Variants in HTR1A observed in about 807,000 individuals in gnomAD.
HTR1A encodes the protein 5-HT1a receptor.
HTR1A carries 17 observed loss-of-function variants against 24.6 expected under a neutral mutation model. That is an observed-to-expected ratio of 0.69 (90% CI 0.47 to 1.04). The LOEUF (loss-of-function observed/expected upper bound fraction) is 1.04, where lower values mean the gene tolerates loss of function less well. Ranked by LOEUF, HTR1A falls within the 50% of genes least tolerant of loss-of-function variation. HTR1A has a pLI of 0.00. For missense variants in HTR1A, 515 were observed against 565.1 expected, an observed-to-expected ratio of 0.91 and a Z score of 0.90; for synonymous variants, 262 against 244.6, an observed-to-expected ratio of 1.07 and a Z score of -0.67.
In HTR1A at chr5:63,961,985, CCGG is replaced by C; in HGVS notation, c.-269_-267del. ...GGCCTGAAAGCAGCTCCAGGATCTC[CCGG>C]CGGCGGAGAGGTGGCTGGAACGTCT... On this transcript the variant is annotated 5_prime_UTR_variant, in exon 1 of 1. Coordinates refer to ENST00000323865, the MANE Select transcript of HTR1A (RefSeq NM_000524.4). The C allele has an allele frequency of 1.8e-6, 1 of 550,302 alleles. No homozygotes were observed. The highest frequency in any genetic ancestry group is 2.0e-5 in the South Asian group (1 of 49,138). 34.1% of individuals were successfully genotyped at this position (550,302 alleles called of 1,614,324 possible).
Position 63,960,941 on chromosome 5 carries a change from C to A in HTR1A, c.779G>T (p.Ser260Ile). ...CTCCACGCCCAGCCTCCAGTTCCTG[C>A]TCCCCGACTCTCCATTCACACTCTT... The part of the protein sequence containing the change: ...PKKSVNGESG[S>I]RNWRLGVESK... The change falls in exon 1 of 1, where the codon AGC becomes ATC. Residue 260 changes from serine to isoleucine, a missense_variant. Transcript: ENST00000323865. 1 of 1,614,158 alleles carries A rather than the reference C, an allele frequency of 6.2e-7. No homozygotes were observed. The highest frequency in any genetic ancestry group is 8.5e-7 in the Non-Finnish European group (1 of 1,180,028).
rs1746355355 is a variant in HTR1A at position 63,958,410 on chromosome 5, A to G, written c.*2041T>C. 6.6e-6 allele frequency among the ~76,000 whole-genome samples: 1 copy of G among 152,246 alleles called. No homozygotes were observed. The highest frequency in any genetic ancestry group is 6.5e-5 in the Admixed American group (1 of 15,290). ...AAGGAAAGCTTTGTTCAGTCTGACA[A>G]ACAATAAAATGGCTTCAACTGACAG... On this transcript the variant is annotated 3_prime_UTR_variant, in exon 1 of 1. Transcript: ENST00000323865.
In HTR1A at chr5:63,961,033, C is replaced by A. The variant is rs999108709; in HGVS notation, c.687G>T (p.Thr229=). The A allele has an allele frequency of 1.6e-5, 26 of 1,614,084 alleles. No homozygotes were observed. Among genetic ancestry groups the A allele is most frequent in the Non-Finnish European group, 2.1e-5 (25 of 1,180,056 alleles). ...CTCCGGTCTTCTCCACCTTTTTGAC[C>A]GTCTTGCGGATGCGGAAGCGCGCAG... The part of the protein sequence containing the change: ...FRAARFRIRK[T]VKKVEKTGAD... Residue 229 remains threonine (T), a synonymous_variant, in exon 1 of 1, where the codon ACG becomes ACT. Transcript: ENST00000323865.
At position 63,961,515 on chromosome 5, in the gene HTR1A, T is replaced by C. The variant is rs1277472972; in HGVS notation, c.205A>G (p.Asn69Asp). Residue 69 changes from asparagine (N) to aspartate (D), a missense_variant, in exon 1 of 1, where the codon AAC (asparagine) becomes GAC (aspartate). Around this residue, in one of 3 missense-constraint regions of HTR1A, gnomAD observed 80 missense variants for 130.8 expected, o/e 0.61. Coordinates refer to ENST00000323865, the MANE Select transcript of HTR1A (RefSeq NM_000524.4). ...GAGCCAATAAGATAATTGGCCACGTTCTGCAGGGAGCGCTCCAAGGCGATG... is the reference window on the plus strand; with the variant it reads ...GAGCCAATAAGATAATTGGCCACGTCCTGCAGGGAGCGCTCCAAGGCGATG... ...AAIALERSLQNVANYLIGSLA... is the reference protein window; with the variant it reads ...AAIALERSLQDVANYLIGSLA... The C allele has an allele frequency of 1.9e-6, 3 of 1,614,222 alleles. No homozygotes were observed. In the East Asian group the frequency reaches 6.7e-5, roughly 36 times the overall value.
Position 63,961,165 on chromosome 5 carries a change from G to T in HTR1A, c.555C>A (p.Asp185Glu). 2.5e-6 allele frequency: 4 copies of T among 1,614,200 alleles called. No homozygotes were observed. Among genetic ancestry groups the T allele is most frequent in the Admixed American group, 1.7e-5 (1 of 60,034 alleles). ...WRTPEDRSDP[D>E]ACTISKDHGY... ...CATGATCCTTGCTAATGGTGCATGC[G>T]TCGGGGTCCGAGCGGTCTTCCGGGG... The change falls in exon 1 of 1, where the codon GAC becomes GAA. Residue 185 changes from aspartate to glutamate, a missense_variant. Physicochemically the swap from Asp to Glu is conservative, Grantham distance 45 (BLOSUM62 2). Coordinates refer to ENST00000323865, the MANE Select transcript of HTR1A (RefSeq NM_000524.4).
chr5:63,957,936 G>C lies in HTR1A; in HGVS notation c.*2515C>G, dbSNP rs1361401956. The C allele has an allele frequency of 6.6e-5, 10 of 152,182 alleles. No homozygotes were observed. Among genetic ancestry groups the C allele is most frequent in the Non-Finnish European group, 1.2e-4 (8 of 68,034 alleles). 9.4% of individuals were successfully genotyped at this position (152,182 alleles called of 1,614,324 possible). Reference sequence around the variant, plus strand: ...CTATTGCCTTGACAATTATGCTCCAGTTGGATGTTCCTTCTCCATTCTTGT... The same window carrying C: ...CTATTGCCTTGACAATTATGCTCCACTTGGATGTTCCTTCTCCATTCTTGT... On this transcript the variant is annotated 3_prime_UTR_variant, in exon 1 of 1. Transcript: ENST00000323865.
Position 63,960,457 on chromosome 5 carries a change from G to A in HTR1A, c.1263C>T (p.Arg421=), listed in dbSNP as rs1200249120. The part of the protein sequence containing the change: ...FKKIIKCKFC[R]Q ...GCCGGCTACTCCTCCGTCATCACTG[G>A]CGGCAGAACTTACACTTAATGATCT... The change falls in exon 1 of 1, where the codon CGC becomes CGT. Residue 421 remains arginine, a synonymous_variant. Coordinates refer to ENST00000323865, the MANE Select transcript of HTR1A (RefSeq NM_000524.4). 1.9e-6 allele frequency: 3 copies of A among 1,614,076 alleles called. No homozygotes were observed. Among genetic ancestry groups the A allele is most frequent in the Admixed American group, 3.3e-5 (2 of 60,002 alleles).
rs1009584356 is a variant in HTR1A at position 63,959,433 on chromosome 5, A to G, written c.*1018T>C. 6.6e-5 allele frequency among the ~76,000 whole-genome samples: 10 copies of G among 152,270 alleles called. No individual in the cohort carries two copies. Among genetic ancestry groups the G allele is most frequent in the Non-Finnish European group, 2.9e-5 (2 of 68,050 alleles). ...AGCCGGGAGCGCCTAGCGCGCTGCG[A>G]GAGCACAGATGGCTGGGGAGGCGCG... On this transcript the variant is annotated 3_prime_UTR_variant, in exon 1 of 1. Coordinates refer to ENST00000323865, the MANE Select transcript of HTR1A (RefSeq NM_000524.4).
Position 63,961,042 on chromosome 5 carries a change from G to C in HTR1A, c.678C>G (p.Ile226Met), listed in dbSNP as rs367863011. 1.9e-6 allele frequency: 3 copies of C among 1,614,242 alleles called. No individual in the cohort carries two copies. Among genetic ancestry groups the C allele is most frequent in the Admixed American group, 3.3e-5 (2 of 60,038 alleles). ...TCTCCACCTTTTTGACCGTCTTGCG[G>C]ATGCGGAAGCGCGCAGCTCGGAATA... ...GRIFRAARFRIRKTVKKVEKT... is the reference protein window; with the variant it reads ...GRIFRAARFRMRKTVKKVEKT... The change falls in exon 1 of 1, where the codon ATC becomes ATG. Residue 226 changes from isoleucine to methionine, a missense_variant. By Grantham distance (10) the Ile-to-Met change is conservative (BLOSUM62 1). Around this residue, in one of 3 missense-constraint regions of HTR1A, gnomAD observed 381 missense variants for 384.5 expected, o/e 0.99. Transcript: ENST00000323865.
In HTR1A at chr5:63,960,660, A is replaced by T; in HGVS notation, c.1060T>A (p.Phe354Ile). 1 of 1,614,248 alleles carries T rather than the reference A, an allele frequency of 6.2e-7. No individual in the cohort carries two copies. The highest frequency in any genetic ancestry group is 1.3e-5 in the African/African-American group (1 of 75,072). The change falls in exon 1 of 1, where the codon TTC becomes ATC. Residue 354 changes from phenylalanine to isoleucine, a missense_variant. Phe to Ile is a conservative substitution (Grantham distance 21, BLOSUM62 0). Transcript: ENST00000323865. ...VKTLGIIMGTFILCWLPFFIV... is the reference protein window; with the variant it reads ...VKTLGIIMGTIILCWLPFFIV... ...AAGAAGGGCAGCCAGCAGAGGATGAAGGTGCCCATGATGATGCCCAGCGTC... is the reference window on the plus strand; with the variant it reads ...AAGAAGGGCAGCCAGCAGAGGATGATGGTGCCCATGATGATGCCCAGCGTC...
chr5:63,960,849 C>CCT lies in HTR1A; in HGVS notation c.870_871insAG (p.Glu291ArgfsTer3). The CCT allele has an allele frequency of 6.2e-7, 1 of 1,614,142 alleles. No homozygotes were observed. On this transcript the variant is annotated frameshift_variant, in exon 1 of 1. Transcript: ENST00000323865. LOFTEE classifies it high-confidence loss of function. ...CCCACTCGGTGCACCTCGATCACCT[C>CCT]CAGGGCGGCGCCATCGTCACCTTGC... is the stretch of plus-strand genomic sequence containing the variant.
chr5:63,961,198 G>C lies in HTR1A; in HGVS notation c.522C>G (p.Gly174=), dbSNP rs776210335. The C allele has an allele frequency of 6.2e-7, 1 of 1,614,142 alleles. No homozygotes were observed. Among genetic ancestry groups the C allele is most frequent in the Non-Finnish European group, 8.5e-7 (1 of 1,180,044 alleles). ...GFLISIPPML[G]WRTPEDRSDP... is the part of the protein sequence containing the mutation. ...CCGAGCGGTCTTCCGGGGTGCGCCA[G>C]CCCAGCATGGGCGGGATAGAGATGA... The change falls in exon 1 of 1, where the codon GGC becomes GGG. Residue 174 remains glycine, a synonymous_variant. Transcript: ENST00000323865.
chr5:63,960,470 C>A lies in HTR1A; in HGVS notation c.1250G>T (p.Cys417Phe). The A allele has an allele frequency of 6.2e-7, 1 of 1,614,228 alleles. No individual in the cohort carries two copies. Among genetic ancestry groups the A allele is most frequent in the Non-Finnish European group, 8.5e-7 (1 of 1,180,036 alleles). The change falls in exon 1 of 1, where the codon TGT becomes TTT. Residue 417 changes from cysteine to phenylalanine, a missense_variant. Physicochemically the swap from Cys to Phe is radical, Grantham distance 205 (BLOSUM62 -2). Around this residue, in one of 3 missense-constraint regions of HTR1A, gnomAD observed 381 missense variants for 384.5 expected, o/e 0.99. Transcript: ENST00000323865. Reference protein sequence around the residue: ...FQNAFKKIIKCKFCRQ With the variant: ...FQNAFKKIIKFKFCRQ The stretch of plus-strand genomic sequence containing the variant: ...CCGTCATCACTGGCGGCAGAACTTA[C>A]ACTTAATGATCTTCTTAAACGCGTT...
In HTR1A at chr5:63,960,089, T is replaced by G. The variant is rs2111829600; in HGVS notation, c.*362A>C. ...CTGTGTGTACAGTTTATTTATTTTT[T>G]GGATTTTCTGCCTTGAACTAAGCAT... On this transcript the variant is annotated 3_prime_UTR_variant, in exon 1 of 1. Transcript: ENST00000323865. 6.6e-6 allele frequency among the ~76,000 whole-genome samples: 1 copy of G among 152,352 alleles called. No individual in the cohort carries two copies. Among genetic ancestry groups the G allele is most frequent in the Admixed American group, 6.5e-5 (1 of 15,314 alleles).
In HTR1A at chr5:63,958,364, A is replaced by G. The variant is rs1746354873; in HGVS notation, c.*2087T>C. Among the ~76,000 whole-genome samples the G allele has an allele frequency of 6.6e-6, 1 of 152,246 alleles. No homozygotes were observed. Among genetic ancestry groups the G allele is most frequent in the Non-Finnish European group, 1.5e-5 (1 of 68,040 alleles). On this transcript the variant is annotated 3_prime_UTR_variant, in exon 1 of 1. Coordinates refer to ENST00000323865, the MANE Select transcript of HTR1A (RefSeq NM_000524.4). ...GGGATATGATGTCTACTTCCAGTTT[A>G]GAATACAGAAGCAGACACCAAAGGA...
In HTR1A at chr5:63,960,451, T is replaced by C; in HGVS notation, c.1269A>G (p.Ter423TrpextTer1). Residue 423 changes from the stop codon to tryptophan (W), a stop_lost, in exon 1 of 1, where the codon TGA becomes TGG. Coordinates refer to ENST00000323865, the MANE Select transcript of HTR1A (RefSeq NM_000524.4). Reference protein sequence around the residue: ...KIIKCKFCRQ* With the variant: ...KIIKCKFCRQW ...CGACTGGCCGGCTACTCCTCCGTCA[T>C]CACTGGCGGCAGAACTTACACTTAA... 8 of 1,614,226 alleles carry C rather than the reference T, an allele frequency of 5.0e-6. No individual in the cohort carries two copies. Among genetic ancestry groups the C allele is most frequent in the Non-Finnish European group, 6.8e-6 (8 of 1,180,032 alleles).
In HTR1A at chr5:63,961,973, C is replaced by T; in HGVS notation, c.-254G>A. ...GAAACTGGAGTTGGCCTGAAAGCAG[C>T]TCCAGGATCTCCCGGCGGCGGAGAG... On this transcript the variant is annotated 5_prime_UTR_variant, in exon 1 of 1. Transcript: ENST00000323865. The T allele has an allele frequency of 1.8e-6, 1 of 562,132 alleles. No homozygotes were observed. The highest frequency in any genetic ancestry group is 3.2e-6 in the Non-Finnish European group (1 of 312,508). The allele number at this position is 562,132 out of a possible 1,614,324, so 34.8% of individuals were successfully genotyped here. A position where few individuals can be genotyped will look rare whatever the true frequency, so the allele number is the denominator to read the frequency against.
chr5:63,960,730 C>G lies in HTR1A; in HGVS notation c.990G>C (p.Glu330Asp), dbSNP rs763135676. The G allele has an allele frequency of 6.2e-7, 1 of 1,614,228 alleles. No individual in the cohort carries two copies. The highest frequency in any genetic ancestry group is 1.7e-5 in the Admixed American group (1 of 60,036). ...SFERKNERNA[E>D]AKRKMALARE... The stretch of plus-strand genomic sequence containing the variant: ...GGGCCAGGGCCATCTTGCGCTTCGC[C>G]TCGGCGTTGCGCTCATTTTTCCTCT... Residue 330 changes from glutamate to aspartate, a missense_variant, in exon 1 of 1, where the codon GAG (glutamate) becomes GAC (aspartate). This residue lies in a region of HTR1A where 381 missense variants were observed against 384.5 expected (regional missense o/e 0.99). Coordinates refer to ENST00000323865, the MANE Select transcript of HTR1A (RefSeq NM_000524.4).
chr5:63,960,977 G>C lies in HTR1A; in HGVS notation c.743C>G (p.Pro248Arg). ...ADTRHGASPA[P>R]QPKKSVNGES... is the part of the protein sequence containing the mutation. ...TCCATTCACACTCTTCTTGGGCTGC[G>C]GGGCGGGAGATGCTCCATGGCGGGT... The change falls in exon 1 of 1, where the codon CCG becomes CGG. Residue 248 changes from proline (P) to arginine (R), a missense_variant. Pro to Arg is a moderately radical substitution (Grantham distance 103, BLOSUM62 -2). Coordinates refer to ENST00000323865, the MANE Select transcript of HTR1A (RefSeq NM_000524.4). 5.6e-6 allele frequency: 9 copies of C among 1,614,202 alleles called. No homozygotes were observed. The highest frequency in any genetic ancestry group is 7.6e-6 in the Non-Finnish European group (9 of 1,180,048).
Sources: allele counts gnomAD v4.1 joint callset (sites outside exome capture counted in the v4.1 genomes callset), GRCh38; gene constraint gnomAD v4.1.1; regional missense constraint gnomAD v4.1.1; transcripts MANE v1.5; gene names NCBI Gene and HGNC (gene_info 2026-07-23, HGNC 2026-07-21).